Variants in LTBP1 observed in about 807,000 individuals in gnomAD.
LTBP1 encodes the protein latent transforming growth factor beta binding protein 1, also known as latent-transforming growth factor beta-binding protein 1.
LTBP1 carries 129 observed loss-of-function variants against 207.6 expected under a neutral mutation model. The ratio of observed to expected loss-of-function variants is 0.62; its 90% CI spans 0.54 to 0.72. The LOEUF is 0.72. Among genes scored for constraint, LTBP1 ranks in the 30% least tolerant of loss-of-function variants. The pLI is 0.00. For missense variants in LTBP1, 2,281 were observed against 2,217.2 expected (o/e 1.03, Z -0.58); for synonymous variants, 963 against 833.7 (o/e 1.16, Z -2.67).
At chr2:33,378,868 C>G (rs2150352872) in intron 31 of LTBP1, among the ~76,000 whole-genome samples, 1 of 152,290 alleles carries the variant, frequency 6.6e-6, no homozygotes, top group Non-Finnish European at 1.5e-5. Context: ...ATGCCGCAGA[C>G]AGATTGTGCC....
chr2:33,268,968 G>A (rs766892547), intron 15 of LTBP1, among the ~76,000 whole-genome samples: 1 of 152,084 alleles, frequency 6.6e-6, no homozygotes, highest in Non-Finnish European at 1.5e-5. Context: ...CCAGAACTCA[G>A]AAATGACCCA....
At chr2:32,988,141 G>A (rs1048555134) in intron 2 of LTBP1, among the ~76,000 whole-genome samples, 4 of 152,174 alleles carry the variant, frequency 2.6e-5, no homozygotes, top group Middle Eastern at 3.2e-3. Context: ...TTGTGGCCCT[G>A]GTGAAACCTT....
chr2:33,375,252 A>G (rs374442903), intron 31 of LTBP1, among the ~76,000 whole-genome samples: 3 of 152,338 alleles, frequency 2.0e-5, no homozygotes, highest in Admixed American at 6.5e-5. Flanking sequence ...GAAAGGCGTT[A>G]GCAATTATTA....
chr2:33,174,094 A>G lies in LTBP1; in HGVS notation c.1202-12762A>G, dbSNP rs1186393401. On this transcript the variant is annotated intron_variant, in intron 5 of 33. Coordinates refer to ENST00000404816, the MANE Select transcript of LTBP1 (RefSeq NM_206943.4). ...GGAAGCATTCCCTTTGAAAAGTGGC[A>G]CAAGACAGGGATGCCCTCTCTCACC... Among the ~76,000 whole-genome samples, 14 of 147,600 alleles carry G rather than the reference A, an allele frequency of 9.5e-5. No individual in the cohort carries two copies. The Admixed American group carries it at 9.7e-4, about 10-fold the overall frequency.
chr2:33,154,976 T>G (rs1048545757), intron 5 of LTBP1, among the ~76,000 whole-genome samples: 28 of 152,024 alleles, frequency 1.8e-4, no homozygotes, highest in Admixed American at 1.8e-3. Context: ...GTCAGGAGAA[T>G]CACTTGAACC....
chr2:32,949,775 G>C lies in LTBP1; in HGVS notation c.565+830G>C, dbSNP rs560797292. 2.6e-5 allele frequency among the ~76,000 whole-genome samples: 4 copies of C among 152,180 alleles called. No individual in the cohort carries two copies. In the East Asian group the frequency reaches 5.8e-4, roughly 22 times the overall value. ...TGGATTGGAATTGTCCAAAATTTCT[G>C]CTGCTTGGATTTTAAAATACAGGTG... On this transcript the variant is annotated intron_variant, in intron 2 of 33. Coordinates refer to ENST00000404816, the MANE Select transcript of LTBP1 (RefSeq NM_206943.4).
At chr2:33,211,355 C>G (rs2090296582) in intron 7 of LTBP1, among the ~76,000 whole-genome samples, 1 of 152,240 alleles carries the variant, frequency 6.6e-6, no homozygotes, top group South Asian at 2.1e-4. Context: ...AGCCCATGCT[C>G]TGCTCATCCA....
intron 5 of LTBP1, among the ~76,000 whole-genome samples, chr2:33,152,320 C>G (rs1031845709): frequency 6.6e-6 from 1 of 152,134 alleles, no homozygotes; most frequent in African/African-American, 2.4e-5. Flanking sequence ...AAAAAGTACT[C>G]AGCATCACTA....
At chr2:33,062,724 A>G (rs976118828) in intron 3 of LTBP1, among the ~76,000 whole-genome samples, 7 of 152,102 alleles carry the variant, frequency 4.6e-5, no homozygotes, top group South Asian at 4.1e-4. Flanking sequence ...AAGACCCCCA[A>G]TGGATGCCTG....
chr2:33,075,931 G>T (rs417033), intron 3 of LTBP1, among the ~76,000 whole-genome samples: 113,845 of 152,086 alleles, frequency 0.75, 44,966 homozygotes, highest in East Asian at 0.98. Context: ...CAGGCTATGA[G>T]ATATATGTTG....
chr2:33,073,878 C>T (rs1371288179), intron 3 of LTBP1, among the ~76,000 whole-genome samples: 6 of 152,192 alleles, frequency 3.9e-5, no homozygotes, highest in African/African-American at 1.2e-4. Flanking sequence ...CCACCCGCCT[C>T]GGCCTCCCGA....
intron 3 of LTBP1, among the ~76,000 whole-genome samples, chr2:33,088,002 G>A (rs756799276): frequency 6.6e-6 from 1 of 152,268 alleles, no homozygotes; most frequent in South Asian, 2.1e-4. Flanking sequence ...TAAAAATTTG[G>A]TGCTGAAATA....
intron 2 of LTBP1, among the ~76,000 whole-genome samples, chr2:33,005,532 G>A (rs568035069): frequency 4.0e-5 from 6 of 151,448 alleles, no homozygotes; most frequent in African/African-American, 1.5e-4. Context: ...ACTTCTGCAT[G>A]TCACTTTCAG....
chr2:33,303,284 T>G (rs1472147931), intron 22 of LTBP1, among the ~76,000 whole-genome samples: 3 of 151,510 alleles, frequency 2.0e-5, no homozygotes, highest in Admixed American at 6.6e-5. Context: ...TTTCCCTGGA[T>G]GGGGTTGAGG....
Position 33,024,129 on chromosome 2 carries a change from G to A in LTBP1, c.863+2923G>A, listed in dbSNP as rs553105166. Among the ~76,000 whole-genome samples, 64 of 152,300 alleles carry A rather than the reference G, an allele frequency of 4.2e-4. No individual in the cohort carries two copies. The South Asian group carries it at 1.0e-2, about 24-fold the overall frequency. ...TTTTATGTATGAGGGCACAGTTCAGGGAGCTAAGGATAGATAACACTAGGC... is the reference window on the plus strand; with the variant it reads ...TTTTATGTATGAGGGCACAGTTCAGAGAGCTAAGGATAGATAACACTAGGC... On this transcript the variant is annotated intron_variant, in intron 3 of 33. Coordinates refer to ENST00000404816, the MANE Select transcript of LTBP1 (RefSeq NM_206943.4).
chr2:33,113,287 A>G (rs2080521651), intron 4 of LTBP1, among the ~76,000 whole-genome samples: 1 of 152,150 alleles, frequency 6.6e-6, no homozygotes, highest in Non-Finnish European at 1.5e-5. Flanking sequence ...GCACTGTGCA[A>G]CTCTTAGCTC....
chr2:33,086,433 G>T (rs975225602), intron 3 of LTBP1, among the ~76,000 whole-genome samples: 12 of 152,212 alleles, frequency 7.9e-5, no homozygotes, highest in Admixed American at 7.9e-4. Flanking sequence ...TTTGGTGCCT[G>T]CTCTAAGGAG....
intron 5 of LTBP1, among the ~76,000 whole-genome samples, chr2:33,177,809 G>T (rs543614465): frequency 6.6e-6 from 1 of 152,350 alleles, no homozygotes; most frequent in African/African-American, 2.4e-5. Context: ...GTGCATACCT[G>T]TATGAAGGCT....
intron 31 of LTBP1, among the ~76,000 whole-genome samples, chr2:33,379,317 C>T (rs568136104): frequency 9.5e-4 from 142 of 149,476 alleles, no homozygotes; most frequent in South Asian, 5.4e-3. Context: ...TCAAGCAATT[C>T]TCCTGCCTCA....
Sources: gnomAD v4.1 joint callset for allele counts (sites outside exome capture counted in the v4.1 genomes callset) on GRCh38, gnomAD v4.1.1 for gene constraint, MANE v1.5 for transcripts, NCBI Gene and HGNC (gene_info 2026-07-23, HGNC 2026-07-21) for gene names.